SLC44A1: variants seen among roughly 807,000 people sequenced by gnomAD.
The protein encoded by SLC44A1 is choline transporter-like protein 1.
Under a neutral mutation model 79.3 loss-of-function variants are expected in SLC44A1, and 26 were observed. The observed-to-expected ratio is 0.33, with a 90% CI of 0.24 to 0.46. The LOEUF (loss-of-function observed/expected upper bound fraction) is 0.46, where lower values mean the gene tolerates loss of function less well. Among genes scored for constraint, SLC44A1 ranks in the 20% least tolerant of loss-of-function variants. SLC44A1 has a pLI of 1.00. For missense variants in SLC44A1, 688 were observed against 798.1 expected (o/e 0.86, Z 1.66); for synonymous variants, 263 against 286.2 (o/e 0.92, Z 0.82).
rs568733695 is a variant in SLC44A1 at position 105,395,526 on chromosome 9, G to A, written c.*6470G>A. 353 of 985,504 alleles carry A rather than the reference G, an allele frequency of 3.6e-4. No individual in the cohort carries two copies. Among genetic ancestry groups the A allele is most frequent in the Non-Finnish European group, 4.0e-4 (333 of 830,014 alleles). The allele number at this position is 985,504 out of a possible 1,614,324, so 61.0% of individuals were successfully genotyped here. A position where few individuals can be genotyped will look rare whatever the true frequency, so the allele number is the denominator to read the frequency against. On this transcript the variant is annotated 3_prime_UTR_variant, in exon 16 of 16. Coordinates refer to ENST00000374720, the MANE Select transcript of SLC44A1 (RefSeq NM_080546.5). ...GAGCCACCGCGCCCGGCCTAGAAGA[G>A]TTTTAATGAACCTTCCACAGTAGTA... is the stretch of plus-strand genomic sequence containing the variant.
At chr9:105,387,060 A>AAAAAAAAAAAATATATAT in intron 15 of SLC44A1, among the ~76,000 whole-genome samples, 2 of 7,726 alleles carry the variant, frequency 2.6e-4, no homozygotes, top group Admixed American at 4.0e-3. Context: ...AAAAAAAAAA[A>AAAAAAAAAAAATATATAT]ATATATATAT....
chr9:105,365,841 A>C (rs1827924746), intron 11 of SLC44A1, among the ~76,000 whole-genome samples: 1 of 152,156 alleles, frequency 6.6e-6, no homozygotes, highest in Non-Finnish European at 1.5e-5. Flanking sequence ...CTAGTAACTA[A>C]AAGTATCCTG....
chr9:105,341,733 C>T (rs1250142469), intron 4 of SLC44A1, among the ~76,000 whole-genome samples: 8 of 152,182 alleles, frequency 5.3e-5, no homozygotes, highest in Admixed American at 5.2e-4. Flanking sequence ...AATAATTTCT[C>T]ATTCTCACAG....
At chr9:105,382,560 T>C (rs1828499564) in intron 13 of SLC44A1, among the ~76,000 whole-genome samples, 1 of 152,306 alleles carries the variant, frequency 6.6e-6, no homozygotes, top group Admixed American at 6.5e-5. Flanking sequence ...CTGAAAACAA[T>C]ATAAATCTCT....
At chr9:105,270,426 T>A (rs1048927941) in intron 1 of SLC44A1, among the ~76,000 whole-genome samples, 1 of 152,096 alleles carries the variant, frequency 6.6e-6, no homozygotes, top group Non-Finnish European at 1.5e-5. Flanking sequence ...CCACATCCTC[T>A]CCCCTCCAGA....
chr9:105,350,942 A>G (rs1275766477), intron 5 of SLC44A1, among the ~76,000 whole-genome samples: 1 of 152,230 alleles, frequency 6.6e-6, no homozygotes, highest in Admixed American at 6.5e-5. Context: ...GTGACACATA[A>G]TAACCAGATG....
intron 15 of SLC44A1, among the ~76,000 whole-genome samples, chr9:105,412,577 A>T (rs545712167): frequency 7.3e-4 from 111 of 152,236 alleles, no homozygotes; most frequent in Admixed American, 4.5e-3. Context: ...ACCACATGAT[A>T]TACAGCAGGA....
chr9:105,362,853 C>T lies in SLC44A1; in HGVS notation c.933C>T (p.Arg311=). Residue 311 remains arginine, a synonymous_variant, in exon 9 of 16, where the codon CGC becomes CGT. Coordinates refer to ENST00000374720, the MANE Select transcript of SLC44A1 (RefSeq NM_080546.5). The part of the protein sequence containing the change: ...VILFLIMLVM[R]KRVALTIALF... The stretch of plus-strand genomic sequence containing the variant: ...TATTCCTGATAATGTTGGTTATGCG[C>T]AAACGTGTTGCTCTTACCATCGCCT... 1 of 1,610,398 alleles carries T rather than the reference C, an allele frequency of 6.2e-7. No individual in the cohort carries two copies. The highest frequency in any genetic ancestry group is 8.5e-7 in the Non-Finnish European group (1 of 1,178,748).
intron 1 of SLC44A1, among the ~76,000 whole-genome samples, chr9:105,287,287 A>G (rs1830500842): frequency 6.6e-6 from 1 of 152,216 alleles, no homozygotes; most frequent in African/African-American, 2.4e-5. Context: ...ACCTCAGTAA[A>G]GCTAGGTGGA....
intron 15 of SLC44A1, among the ~76,000 whole-genome samples, chr9:105,404,938 T>TA (rs1408725930): frequency 1.3e-5 from 2 of 152,214 alleles, no homozygotes; most frequent in South Asian, 2.1e-4. Context: ...AGCTAACAGA[T>TA]ATTTAATGAG....
chr9:105,327,696 C>G (rs1187249184), intron 3 of SLC44A1, among the ~76,000 whole-genome samples: 1 of 152,110 alleles, frequency 6.6e-6, no homozygotes, highest in African/African-American at 2.4e-5. Flanking sequence ...CTGCTCTGTT[C>G]CTGCGCTGTT....
In SLC44A1 at chr9:105,249,367, T is replaced by C. The variant is rs567606895; in HGVS notation, c.36+4463T>C. On this transcript the variant is annotated intron_variant, in intron 1 of 15. Coordinates refer to ENST00000374720, the MANE Select transcript of SLC44A1 (RefSeq NM_080546.5). ...AAAGTTGCTCAGTTAAATTAAGACC[T>C]GCAAAGTAAACTTCATCTAACGGGA... 5.3e-5 allele frequency among the ~76,000 whole-genome samples: 8 copies of C among 152,320 alleles called. No individual in the cohort carries two copies. In the South Asian group the frequency reaches 1.5e-3, roughly 28 times the overall value.
intron 5 of SLC44A1, among the ~76,000 whole-genome samples, chr9:105,354,656 G>T (rs561425178): frequency 1.6e-4 from 25 of 152,178 alleles, no homozygotes; most frequent in Admixed American, 1.0e-3. Flanking sequence ...ATCATTTTTT[G>T]ATATATTTGC....
At chr9:105,245,336 C>G (rs1189195511) in intron 1 of SLC44A1, among the ~76,000 whole-genome samples, 1 of 152,250 alleles carries the variant, frequency 6.6e-6, no homozygotes, top group Non-Finnish European at 1.5e-5. Flanking sequence ...TTTCTGTGCT[C>G]CTCGCAGGTG....
At chr9:105,387,924 A>C (rs1203682156) in intron 15 of SLC44A1, among the ~76,000 whole-genome samples, 1 of 152,212 alleles carries the variant, frequency 6.6e-6, no homozygotes, top group African/African-American at 2.4e-5. Context: ...GTTTCCTATT[A>C]GTATTTTCAG....
At chr9:105,288,456 C>G (rs1237262325) in intron 1 of SLC44A1, among the ~76,000 whole-genome samples, 1 of 152,208 alleles carries the variant, frequency 6.6e-6, no homozygotes, top group African/African-American at 2.4e-5. Context: ...TCAAACGATT[C>G]TACCACCTCA....
At chr9:105,254,645 CAGTT>C (rs1829662566) in intron 1 of SLC44A1, among the ~76,000 whole-genome samples, 1 of 152,200 alleles carries the variant, frequency 6.6e-6, no homozygotes, top group Non-Finnish European at 1.5e-5. Flanking sequence ...CAAAGTCACA[CAGTT>C]AGTTATCTTC....
chr9:105,403,012 G>C (rs1472217387), intron 15 of SLC44A1, among the ~76,000 whole-genome samples: 4 of 142,772 alleles, frequency 2.8e-5, no homozygotes, highest in African/African-American at 1.1e-4. Flanking sequence ...GAAAGGCAGG[G>C]TCTCGCTTTG....
downstream of SLC44A1, among the ~76,000 whole-genome samples, chr9:105,398,118 A>G (rs1235920852): frequency 1.3e-5 from 2 of 152,196 alleles, no homozygotes; most frequent in East Asian, 3.8e-4. Context: ...TTTAGGCAGT[A>G]GCTGTGCCCC....
Sources: gnomAD v4.1 joint callset for allele counts (sites outside exome capture counted in the v4.1 genomes callset) on GRCh38, gnomAD v4.1.1 for gene constraint, MANE v1.5 for transcripts, NCBI Gene and HGNC (gene_info 2026-07-23, HGNC 2026-07-21) for gene names.